The following CACNA2D3 variants were observed in gnomAD, a reference collection of about 807,000 sequenced individuals.
CACNA2D3 encodes the protein calcium voltage-gated channel auxiliary subunit alpha2delta 3, also known as voltage-dependent calcium channel subunit alpha-2/delta-3.
A neutral mutation model predicts 160.6 loss-of-function variants in CACNA2D3; 60 were observed. That is an observed-to-expected ratio of 0.37 (90% CI 0.30 to 0.46). CACNA2D3 has a LOEUF of 0.46. Ranked by LOEUF, CACNA2D3 falls within the 20% of genes least tolerant of loss-of-function variation. CACNA2D3 has a pLI of 1.00. For missense variants in CACNA2D3, 1,205 were observed against 1,365.0 expected (o/e 0.88, Z 1.85); for synonymous variants, 558 against 492.9 (o/e 1.13, Z -1.75).
At chr3:54,784,473 T>TC (rs575125050) in intron 13 of CACNA2D3, among the ~76,000 whole-genome samples, 45 of 152,024 alleles carry the variant, frequency 3.0e-4, no homozygotes, top group Admixed American at 5.2e-4. Flanking sequence ...TCTGTTTTGC[T>TC]CCCCCCAAAT....
intron 13 of CACNA2D3, among the ~76,000 whole-genome samples, chr3:54,790,905 T>G (rs1702741502): frequency 6.6e-6 from 1 of 152,216 alleles, no homozygotes; most frequent in South Asian, 2.1e-4. Context: ...AGTTTCAGGT[T>G]GAGTTTGCCC....
intron 11 of CACNA2D3, among the ~76,000 whole-genome samples, chr3:54,736,040 T>C (rs1331181608): frequency 2.0e-3 from 100 of 51,182 alleles, no homozygotes; most frequent in Middle Eastern, 0.012. Flanking sequence ...TATATGTATA[T>C]ATATACACAT....
At chr3:54,772,574 C>G (rs756275410) in intron 13 of CACNA2D3, among the ~76,000 whole-genome samples, 17 of 152,002 alleles carry the variant, frequency 1.1e-4, no homozygotes, top group Non-Finnish European at 2.1e-4. Flanking sequence ...ATTCTGTTTC[C>G]TGCTTGGCTG....
At chr3:54,764,832 G>A (rs1464898209) in intron 13 of CACNA2D3, among the ~76,000 whole-genome samples, 2 of 152,156 alleles carry the variant, frequency 1.3e-5, no homozygotes, top group Non-Finnish European at 2.9e-5. Context: ...ATGCTTGAAT[G>A]GTGGTTCAGT....
chr3:54,809,039 A>G (rs148682431), intron 13 of CACNA2D3, among the ~76,000 whole-genome samples: 1 of 152,128 alleles, frequency 6.6e-6, no homozygotes. Context: ...AAATAATGTT[A>G]TTACTACTGT....
intron 37 of CACNA2D3, 126 bp from the exon 38 acceptor site, chr3:55,073,988 T>C (rs1704883902): frequency 1.9e-6 from 2 of 1,079,584 alleles, no homozygotes; most frequent in African/African-American, 3.1e-5. Flanking sequence ...GTAAACTGAA[T>C]CTGCACCATC....
At position 54,530,047 on chromosome 3, in the gene CACNA2D3, G is replaced by T. The variant is rs568508392; in HGVS notation, c.544+26393G>T. On this transcript the variant is annotated intron_variant, in intron 5 of 37. Transcript: ENST00000474759. ...TGAGGTCCTGGATTCTAAGCAGCTT[G>T]CAGGAAAGAGCTGACAGTGCCCAGG... is the stretch of plus-strand genomic sequence containing the variant. Among the ~76,000 whole-genome samples the T allele has an allele frequency of 2.0e-5, 3 of 152,280 alleles. No individual in the cohort carries two copies. In the East Asian group the frequency reaches 5.8e-4, roughly 30 times the overall value.
intron 2 of CACNA2D3, among the ~76,000 whole-genome samples, chr3:54,207,655 G>A (rs545205562): frequency 1.3e-5 from 2 of 152,212 alleles, no homozygotes; most frequent in East Asian, 3.9e-4. Flanking sequence ...GAGTTACCTC[G>A]GGAATGTCAC....
At chr3:54,294,550 A>G (rs1215387821) in intron 2 of CACNA2D3, among the ~76,000 whole-genome samples, 1 of 152,302 alleles carries the variant, frequency 6.6e-6, no homozygotes, top group East Asian at 1.9e-4. Flanking sequence ...GCCTTTGTGC[A>G]TGAAGCTGGT....
chr3:54,561,132 TAGGATTAGC>T (rs1368633735), intron 5 of CACNA2D3, among the ~76,000 whole-genome samples: 1 of 152,218 alleles, frequency 6.6e-6, no homozygotes, highest in Non-Finnish European at 1.5e-5. Flanking sequence ...GGTAATTTAT[TAGGATTAGC>T]ATTCAATCTA....
At chr3:55,029,817 C>T (rs968837474) in intron 35 of CACNA2D3, among the ~76,000 whole-genome samples, 3 of 152,218 alleles carry the variant, frequency 2.0e-5, no homozygotes, top group African/African-American at 7.2e-5. Context: ...AACCACTTAA[C>T]TTGCAAGCAT....
chr3:54,651,829 G>A (rs1246349864), intron 11 of CACNA2D3, among the ~76,000 whole-genome samples: 1 of 152,122 alleles, frequency 6.6e-6, no homozygotes, highest in East Asian at 1.9e-4. Flanking sequence ...CTCTTCTCCT[G>A]ATAGTTCTGT....
chr3:54,937,064 G>T (rs1701346166), intron 27 of CACNA2D3, among the ~76,000 whole-genome samples: 1 of 152,118 alleles, frequency 6.6e-6, no homozygotes, highest in African/African-American at 2.4e-5. Context: ...CAGTGCCCGT[G>T]TTCACCCCTT....
intron 16 of CACNA2D3, 104 bp from the exon 17 acceptor site, chr3:54,846,289 T>C (rs1698929814): frequency 1.5e-6 from 1 of 663,772 alleles, no homozygotes; most frequent in African/African-American, 1.8e-5. Context: ...GGGTTATGAA[T>C]GACAAGTTAA....
chr3:54,509,899 A>T (rs888279674), intron 5 of CACNA2D3, among the ~76,000 whole-genome samples: 4 of 152,184 alleles, frequency 2.6e-5, no homozygotes, highest in Non-Finnish European at 5.9e-5. Context: ...CTGCATGTGT[A>T]TGTGGCACAA....
chr3:54,871,970 C>T (rs1359810396), intron 18 of CACNA2D3, among the ~76,000 whole-genome samples: 1 of 152,216 alleles, frequency 6.6e-6, no homozygotes, highest in Non-Finnish European at 1.5e-5. Context: ...CAACAGCAGG[C>T]TCTGCCTGGT....
intron 3 of CACNA2D3, among the ~76,000 whole-genome samples, chr3:54,376,786 T>G (rs6445650): frequency 0.87 from 132,995 of 152,200 alleles, 58,187 homozygotes; most frequent in African/African-American, 0.91. Flanking sequence ...GTTGCTGGAG[T>G]CAGGATTTGA....
At chr3:54,217,464 G>C (rs1336039665) in intron 2 of CACNA2D3, among the ~76,000 whole-genome samples, 2 of 152,176 alleles carry the variant, frequency 1.3e-5, no homozygotes, top group South Asian at 4.1e-4. Context: ...TAGAAAAAGT[G>C]TCTTTGGAGG....
intron 13 of CACNA2D3, among the ~76,000 whole-genome samples, chr3:54,774,194 G>A (rs980711646): frequency 6.6e-6 from 1 of 152,280 alleles, no homozygotes; most frequent in East Asian, 1.9e-4. Context: ...TTCAGGGGTT[G>A]TATTAGTTTC....
Sources: allele counts gnomAD v4.1 joint callset (sites outside exome capture counted in the v4.1 genomes callset), GRCh38; gene constraint gnomAD v4.1.1; transcripts MANE v1.5; gene names NCBI Gene and HGNC (gene_info 2026-07-23, HGNC 2026-07-21).